Variants in CDHR3 observed in about 807,000 individuals in gnomAD.
CDHR3 encodes cadherin related family member 3.
Under a neutral mutation model 86.6 loss-of-function variants are expected in CDHR3, and 79 were observed. That is an observed-to-expected ratio of 0.91 (90% CI 0.76 to 1.10). The LOEUF is 1.10. Among genes scored for constraint, CDHR3 ranks in the 50% least tolerant of loss-of-function variants. The pLI is 0.00. For missense variants in CDHR3, 1,081 were observed against 1,077.6 expected (o/e 1.00, Z -0.04); for synonymous variants, 421 against 402.4 (o/e 1.05, Z -0.55).
intron 1 of CDHR3, among the ~76,000 whole-genome samples, chr7:105,966,432 A>G (rs1826945424): frequency 6.6e-6 from 1 of 152,214 alleles, no homozygotes; most frequent in Non-Finnish European, 1.5e-5. Context: ...TCTTCAGCCC[A>G]TCATCTGTGC....
At chr7:105,988,980 A>G (rs1830927907) in intron 4 of CDHR3, among the ~76,000 whole-genome samples, 1 of 152,208 alleles carries the variant, frequency 6.6e-6, no homozygotes, top group Admixed American at 6.5e-5. Context: ...CAGACCAGCC[A>G]CATTTCAATG....
At chr7:106,026,814 T>C (rs1337726489) in intron 16 of CDHR3, 119 bp downstream of exon 16, 2 of 1,036,760 alleles carry the variant, frequency 1.9e-6, no homozygotes, top group African/African-American at 3.1e-5. Flanking sequence ...CATTTTCAGC[T>C]GCATCTTCTG....
At chr7:105,993,761 G>A (rs1831753503) in intron 4 of CDHR3, among the ~76,000 whole-genome samples, 1 of 148,602 alleles carries the variant, frequency 6.7e-6, no homozygotes, top group South Asian at 2.2e-4. Flanking sequence ...CTCTTCCCCT[G>A]TTTTCTTGAC....
intron 5 of CDHR3, among the ~76,000 whole-genome samples, chr7:105,995,419 A>G (rs1010799047): frequency 6.6e-6 from 1 of 152,230 alleles, no homozygotes; most frequent in Non-Finnish European, 1.5e-5. Context: ...AAGGACGGTG[A>G]TGTGGACACG....
At position 106,030,327 on chromosome 7, in the gene CDHR3, A is replaced by G. The variant is rs985996084; in HGVS notation, c.2305-465A>G. Among the ~76,000 whole-genome samples, 3 of 152,204 alleles carry G rather than the reference A, an allele frequency of 2.0e-5. No individual in the cohort carries two copies. Among genetic ancestry groups the G allele is most frequent in the Non-Finnish European group, 4.4e-5 (3 of 68,022 alleles). ...AGGGGAGGCCGCAGGGGAGGGCCAG[A>G]GTGCCAGGGCCAGAGGTACGGACAC... On this transcript the variant is annotated intron_variant, in intron 17 of 18. Transcript: ENST00000317716. The surrounding 1 kb of genome is among the most constrained non-coding windows in gnomAD (Gnocchi z 4.8).
intron 11 of CDHR3, among the ~76,000 whole-genome samples, chr7:106,016,308 C>T (rs1835616884): frequency 6.6e-6 from 1 of 152,234 alleles, no homozygotes; most frequent in Non-Finnish European, 1.5e-5. Flanking sequence ...GCTAATCCTC[C>T]CTTTTCCAGG....
chr7:105,972,951 C>G (rs1828205783), intron 1 of CDHR3, among the ~76,000 whole-genome samples: 1 of 152,168 alleles, frequency 6.6e-6, no homozygotes. Context: ...ATTTTTTCCT[C>G]TTTTCCATTT....
intron 8 of CDHR3, among the ~76,000 whole-genome samples, chr7:106,008,964 G>T (rs565208971): frequency 1.6e-4 from 25 of 152,174 alleles, no homozygotes; most frequent in African/African-American, 6.0e-4. Flanking sequence ...TGTATATTTG[G>T]CTTCCTGCAG....
chr7:106,003,150 A>G (rs903128867), intron 7 of CDHR3, among the ~76,000 whole-genome samples: 8 of 151,848 alleles, frequency 5.3e-5, no homozygotes. Context: ...AAAAAAAAAA[A>G]AAGTGATTCA....
chr7:106,017,806 C>A, intron 11 of CDHR3, 40 bp from the exon 12 acceptor site: 1 of 1,503,100 alleles, frequency 6.7e-7, no homozygotes, highest in South Asian at 1.2e-5. Context: ...TTCTCTACCC[C>A]TTAAAAGCAG....
At chr7:106,023,245 T>A (rs752140498) in intron 14 of CDHR3, among the ~76,000 whole-genome samples, 3 of 152,194 alleles carry the variant, frequency 2.0e-5, no homozygotes, top group Non-Finnish European at 4.4e-5. Context: ...AATCCGAAGC[T>A]CTGGAGGTGG....
intron 6 of CDHR3, among the ~76,000 whole-genome samples, chr7:105,999,723 C>T (rs561632953): frequency 6.4e-4 from 98 of 152,272 alleles, no homozygotes; most frequent in African/African-American, 2.4e-3. Flanking sequence ...ACCTTATAAT[C>T]ATCCTTCCGA....
At chr7:106,024,700 T>C (rs1280274324) in intron 15 of CDHR3, 138 bp downstream of exon 15, 4 of 856,394 alleles carry the variant, frequency 4.7e-6, no homozygotes, top group Admixed American at 5.6e-5. Flanking sequence ...GAAAAGGAGA[T>C]ACGGGGGAAG....
intron 4 of CDHR3, among the ~76,000 whole-genome samples, chr7:105,985,444 G>A (rs149816313): frequency 2.0e-5 from 3 of 152,304 alleles, no homozygotes; most frequent in East Asian, 1.9e-4. Flanking sequence ...TATGACACTC[G>A]GGGAATTGGT....
At chr7:105,968,111 GT>G (rs1245312256) in intron 1 of CDHR3, among the ~76,000 whole-genome samples, 1 of 152,140 alleles carries the variant, frequency 6.6e-6, no homozygotes, top group Non-Finnish European at 1.5e-5. Flanking sequence ...CTAATATAAT[GT>G]ACAGAATCAC....
intron 6 of CDHR3, among the ~76,000 whole-genome samples, chr7:105,997,354 G>A (rs1292367337): frequency 6.6e-6 from 1 of 152,268 alleles, no homozygotes; most frequent in East Asian, 1.9e-4. Context: ...GTCTGCTCCA[G>A]CCCTGCAGCC....
intron 1 of CDHR3, among the ~76,000 whole-genome samples, chr7:105,965,569 C>CCCCA (rs1826776820): frequency 2.8e-5 from 3 of 106,374 alleles, no homozygotes; most frequent in Non-Finnish European, 2.0e-5. Context: ...CAAGCCCCAC[C>CCCCA]CCCCCCCATG....
intron 5 of CDHR3, among the ~76,000 whole-genome samples, 168 bp from the exon 6 acceptor site, chr7:105,996,082 G>A (rs1029585303): frequency 6.6e-6 from 1 of 152,116 alleles, no homozygotes; most frequent in Non-Finnish European, 1.5e-5. Context: ...GAGACGGGGG[G>A]AGAAAGGTCA....
At chr7:105,996,125 G>A (rs969427830) in intron 5 of CDHR3, 125 bp from the exon 6 acceptor site, 29 of 597,150 alleles carry the variant, frequency 4.9e-5, no homozygotes, top group Middle Eastern at 2.9e-4. Context: ...GGGGCATTAC[G>A]GAGAGGCTCA....
Sources: gnomAD v4.1 joint callset for allele counts (sites outside exome capture counted in the v4.1 genomes callset) on GRCh38, gnomAD v4.1.1 for gene constraint, Gnocchi (gnomAD v3.1) non-coding constraint, MANE v1.5 for transcripts, NCBI Gene and HGNC (gene_info 2026-07-23, HGNC 2026-07-21) for gene names.